TJP2: variants seen among roughly 807,000 people sequenced by gnomAD.
TJP2 encodes tight junction protein 2.
A neutral mutation model predicts 133.1 loss-of-function variants in TJP2; 91 were observed. That is an observed-to-expected ratio of 0.68 (90% CI 0.58 to 0.81). The LOEUF is 0.81. TJP2 is among the 40% of genes least tolerant of loss of function. The pLI is 0.00. For synonymous variants in TJP2, 592 were observed against 583.4 expected, an observed-to-expected ratio of 1.01 and a Z score of -0.21; for missense variants, 1,541 against 1,565.6, an observed-to-expected ratio of 0.98 and a Z score of 0.26.
chr9:69,240,273 G>T (rs1830493119), intron 17 of TJP2, 126 bp downstream of exon 17: 2 of 983,818 alleles, frequency 2.0e-6, no homozygotes, highest in Admixed American at 4.4e-5. Flanking sequence ...TTGAAAAATA[G>T]TTAATCCTAT....
chr9:69,180,189 A>T (rs1220835449), intron 1 of TJP2, among the ~76,000 whole-genome samples: 2 of 44,132 alleles, frequency 4.5e-5, no homozygotes, highest in Admixed American at 3.1e-4. Context: ...TGTGGGAGAG[A>T]GTTATTAGAA....
Position 69,221,380 on chromosome 9 carries a change from C to T in TJP2, c.836C>T (p.Ser279Phe). ...CGCGGGGCCCGCCACGATGCCCGCT[C>T]TCGGGGACCCCGAAGCCGCAGCCGC... Reference protein sequence around the residue: ...YRRGARHDARSRGPRSRSREH... With the variant: ...YRRGARHDARFRGPRSRSREH... Residue 279 changes from serine (S) to phenylalanine (F), a missense_variant, in exon 5 of 23, where the codon TCT becomes TTT. Transcript: ENST00000377245. 1 of 1,582,464 alleles carries T rather than the reference C, an allele frequency of 6.3e-7. No individual in the cohort carries two copies. The highest frequency in any genetic ancestry group is 8.6e-7 in the Non-Finnish European group (1 of 1,165,088).
chr9:69,134,958 G>GAGAGAGA (rs1482863918), intron 1 of TJP2, among the ~76,000 whole-genome samples: 3 of 147,208 alleles, frequency 2.0e-5, no homozygotes, highest in Admixed American at 6.8e-5. Flanking sequence ...GAGAGAGAGA[G>GAGAGAGA]AGAGAGAAGA....
chr9:69,198,258 C>T (rs1287343985), intron 1 of TJP2, among the ~76,000 whole-genome samples: 3 of 151,740 alleles, frequency 2.0e-5, no homozygotes, highest in Non-Finnish European at 4.4e-5. Context: ...TCTCTTGCCT[C>T]AGCCTCCAGA....
At chr9:69,236,283 C>G in intron 13 of TJP2, 45 bp downstream of exon 13, 1 of 1,600,758 alleles carries the variant, frequency 6.2e-7, no homozygotes, top group Non-Finnish European at 8.5e-7. Flanking sequence ...ATCCTTCCCC[C>G]TGCAGAAAAC....
intron 5 of TJP2, 132 bp downstream of exon 5, chr9:69,221,628 A>T (rs1292345790): frequency 1.6e-6 from 2 of 1,222,902 alleles, no homozygotes. Context: ...ATCTCGGCTC[A>T]CTGCAACCTC....
In TJP2 at chr9:69,227,978, C is replaced by T; in HGVS notation, c.1320-3C>T. On this transcript the variant is annotated splice_polypyrimidine_tract_variant and splice_region_variant and intron_variant, in intron 8 of 22. Transcript: ENST00000377245. ...AGACATTTACGTATGACATGTGATTCAGTTCCAGAGAGGACACGCCGAGCA... is the reference window on the plus strand; with the variant it reads ...AGACATTTACGTATGACATGTGATTTAGTTCCAGAGAGGACACGCCGAGCA... 6.2e-7 allele frequency: 1 copy of T among 1,614,136 alleles called. No homozygotes were observed. Among genetic ancestry groups the T allele is most frequent in the Non-Finnish European group, 8.5e-7 (1 of 1,180,014 alleles).
intron 4 of TJP2, among the ~76,000 whole-genome samples, chr9:69,219,212 G>A (rs1296633631): frequency 2.0e-5 from 3 of 152,100 alleles, no homozygotes; most frequent in East Asian, 1.9e-4. Context: ...CAGGTGATCC[G>A]CCAGCCTTGG....
chr9:69,235,346 G>A (rs376549438), intron 12 of TJP2, among the ~76,000 whole-genome samples: 16 of 151,048 alleles, frequency 1.1e-4, no homozygotes, highest in Admixed American at 5.3e-4. Flanking sequence ...TTTTTGAGAC[G>A]GAGTCTGGCT....
In TJP2 at chr9:69,237,865, C is replaced by G; in HGVS notation, c.2180-13C>G. The stretch of plus-strand genomic sequence containing the variant: ...AAGTGTGTATGCTTTAATGGCCTTT[C>G]TTGTCATTTCAGCTGGTTTCAAGAG... On this transcript the variant is annotated splice_polypyrimidine_tract_variant and intron_variant, in intron 14 of 22. Coordinates refer to ENST00000377245, the MANE Select transcript of TJP2 (RefSeq NM_004817.4). The G allele has an allele frequency of 3.1e-6, 5 of 1,602,372 alleles. No homozygotes were observed. The South Asian group carries it at 4.4e-5, about 14-fold the overall frequency.
At chr9:69,213,252 G>A (rs1213049752) in intron 2 of TJP2, among the ~76,000 whole-genome samples, 6 of 151,916 alleles carry the variant, frequency 3.9e-5, no homozygotes, top group African/African-American at 1.5e-4. Context: ...TAATAGAGAC[G>A]GGGTTTCTCC....
chr9:69,251,609 T>C (rs763189925), intron 21 of TJP2, among the ~76,000 whole-genome samples: 7 of 151,874 alleles, frequency 4.6e-5, no homozygotes, highest in African/African-American at 9.7e-5. Flanking sequence ...TTGTATAGAG[T>C]TCTGGAATGA....
intron 1 of TJP2, among the ~76,000 whole-genome samples, chr9:69,149,144 G>T (rs1823353508): frequency 6.6e-6 from 1 of 152,092 alleles, no homozygotes; most frequent in Non-Finnish European, 1.5e-5. Flanking sequence ...AGAAACAACT[G>T]ATTGTTATTG....
At chr9:69,220,448 C>T (rs1828731007) in intron 4 of TJP2, among the ~76,000 whole-genome samples, 1 of 152,230 alleles carries the variant, frequency 6.6e-6, no homozygotes, top group Non-Finnish European at 1.5e-5. Context: ...AAGCTGTAGT[C>T]ACCCTACCGA....
chr9:69,196,672 T>C (rs1009043624), intron 1 of TJP2, among the ~76,000 whole-genome samples: 1 of 152,146 alleles, frequency 6.6e-6, no homozygotes, highest in African/African-American at 2.4e-5. Flanking sequence ...CCAGTGGCTT[T>C]TAGTACTGTA....
At chr9:69,222,337 C>G (rs551139626) in intron 5 of TJP2, among the ~76,000 whole-genome samples, 2 of 149,464 alleles carry the variant, frequency 1.3e-5, no homozygotes, top group Non-Finnish European at 3.0e-5. Context: ...CCACCACGCC[C>G]GGCTAATTTT....
chr9:69,165,300 TTTA>T (rs756959697), intron 2 of TJP2, among the ~76,000 whole-genome samples: 1 of 151,948 alleles, frequency 6.6e-6, no homozygotes, highest in Non-Finnish European at 1.5e-5. Flanking sequence ...CTCATTTACT[TTTA>T]TTATTTTTAT....
At chr9:69,234,334 A>C in intron 11 of TJP2, 105 bp from the exon 12 acceptor site, 3 of 938,888 alleles carry the variant, frequency 3.2e-6, no homozygotes, top group Non-Finnish European at 4.7e-6. Flanking sequence ...AAACAAACAA[A>C]AGGGTCAGTG....
At chr9:69,147,659 C>G (rs1379442265) in intron 1 of TJP2, among the ~76,000 whole-genome samples, 1 of 152,138 alleles carries the variant, frequency 6.6e-6, no homozygotes, top group Non-Finnish European at 1.5e-5. Context: ...GAGATAACCT[C>G]TACTAGCAAT....
Sources: gnomAD v4.1 joint callset for allele counts (sites outside exome capture counted in the v4.1 genomes callset) on GRCh38, gnomAD v4.1.1 for gene constraint, MANE v1.5 for transcripts, NCBI Gene and HGNC (gene_info 2026-07-23, HGNC 2026-07-21) for gene names.